CBFB: variants seen among roughly 807,000 people sequenced by gnomAD.
CBFB encodes CBF-beta.
In CBFB, 9 loss-of-function variants were observed where a neutral mutation model predicts 30.4. That is an observed-to-expected ratio of 0.30 (90% CI 0.18 to 0.52). The LOEUF is 0.52. CBFB is among the 20% of genes least tolerant of loss of function. The pLI, the probability that CBFB is intolerant of heterozygous loss-of-function variation, is 0.97. For synonymous variants in CBFB, 94 were observed against 84.0 expected, an observed-to-expected ratio of 1.12 and a Z score of -0.65; for missense variants, 170 against 244.0, an observed-to-expected ratio of 0.70 and a Z score of 2.02.
At chr16:67,094,117 CT>C (rs757109594) in intron 5 of CBFB, among the ~76,000 whole-genome samples, 19,690 of 130,542 alleles carry the variant, frequency 0.15, 3,760 homozygotes, top group African/African-American at 0.47. Context: ...CTTCCTCCCT[CT>C]TTTTTTTTTT....
chr16:67,098,111 G>GT (rs200015538), intron 5 of CBFB, among the ~76,000 whole-genome samples: 7 of 146,028 alleles, frequency 4.8e-5, no homozygotes, highest in Non-Finnish European at 8.9e-5. Context: ...TTGTTGTGGG[G>GT]TTTTTTGTTT....
Position 67,033,413 on chromosome 16 carries a change from C to T in CBFB, c.166-3226C>T, listed in dbSNP as rs76156341. On this transcript the variant is annotated intron_variant, in intron 2 of 5. Transcript: ENST00000412916. Reference sequence around the variant, plus strand: ...GGAGTGCAGTGGTGCCATCTCCGTTCACTGCAACCTCCACCTCCTGCTTCA... The same window carrying T: ...GGAGTGCAGTGGTGCCATCTCCGTTTACTGCAACCTCCACCTCCTGCTTCA... 5.0e-3 allele frequency among the ~76,000 whole-genome samples: 760 copies of T among 152,206 alleles called. 1 individual carries two copies. Among genetic ancestry groups the T allele is most frequent in the Non-Finnish European group, 7.3e-3 (497 of 67,990 alleles).
intron 2 of CBFB, among the ~76,000 whole-genome samples, chr16:67,035,396 T>A (rs910700885): frequency 2.6e-5 from 4 of 152,186 alleles, no homozygotes; most frequent in African/African-American, 9.7e-5. Context: ...AAAGATTTTT[T>A]AAAATGATGT....
chr16:67,055,439 C>T (rs868437561), intron 3 of CBFB, among the ~76,000 whole-genome samples: 5 of 137,858 alleles, frequency 3.6e-5, no homozygotes, highest in Admixed American at 1.6e-4. Context: ...CATCTCGGCT[C>T]ACTGCAAGCT....
intron 4 of CBFB, among the ~76,000 whole-genome samples, chr16:67,067,452 A>T (rs1425649765): frequency 6.6e-6 from 1 of 152,214 alleles, no homozygotes; most frequent in African/African-American, 2.4e-5. Flanking sequence ...CAGGAGGCAG[A>T]GATTGCGGTG....
Position 67,086,055 on chromosome 16 carries a change from A to C in CBFB, c.495+3747A>C, listed in dbSNP as rs190858632. On this transcript the variant is annotated intron_variant, in intron 5 of 5. Coordinates refer to ENST00000412916, the MANE Select transcript of CBFB (RefSeq NM_022845.3). ...TAATCTAATGGGCTGATAGCAGCTG[A>C]GGATGTCCCCAAGAATACTTGTTAG... is the stretch of plus-strand genomic sequence containing the variant. 3.1e-3 allele frequency among the ~76,000 whole-genome samples: 471 copies of C among 152,294 alleles called. 1 individual carries two copies. Among genetic ancestry groups the C allele is most frequent in the African/African-American group, 0.011 (451 of 41,548 alleles).
intron 3 of CBFB, among the ~76,000 whole-genome samples, chr16:67,056,027 T>C (rs949725576): frequency 2.6e-5 from 4 of 152,240 alleles, no homozygotes; most frequent in Non-Finnish European, 4.4e-5. Flanking sequence ...GGATGATTCA[T>C]TGGTCTGTGG....
chr16:67,035,437 G>T (rs1219232172), intron 2 of CBFB, among the ~76,000 whole-genome samples: 1 of 152,106 alleles, frequency 6.6e-6, no homozygotes, highest in African/African-American at 2.4e-5. Flanking sequence ...AGTTTCTATG[G>T]ATATAAAACA....
In CBFB at chr16:67,084,165, CAA is replaced by C. The variant is rs368748767; in HGVS notation, c.495+1880_495+1881del. On this transcript the variant is annotated intron_variant, in intron 5 of 5. Transcript: ENST00000412916. ...TGGATGACAGAGCAGGACCCTACCT[CAA>C]AAAAAAAAAAAAAAAAAAAAAAGTA... 4.3e-3 allele frequency among the ~76,000 whole-genome samples: 235 copies of C among 54,320 alleles called. 1 individual carries two copies. Among genetic ancestry groups the C allele is most frequent in the African/African-American group, 0.017 (227 of 13,472 alleles). The allele number at this position is 54,320 out of a possible 152,430, so 35.6% of individuals were successfully genotyped here.
chr16:67,041,160 C>T (rs893488571), intron 3 of CBFB, among the ~76,000 whole-genome samples: 6 of 152,184 alleles, frequency 3.9e-5, no homozygotes, highest in African/African-American at 1.4e-4. Context: ...CAGGGTGACT[C>T]AAACTCCTGG....
rs369475383 is a variant in CBFB, at chr16:67,075,197, A to ATACGTG, written c.400-7015_400-7014insACGTGT. On this transcript the variant is annotated intron_variant, in intron 4 of 5. Coordinates refer to ENST00000412916, the MANE Select transcript of CBFB (RefSeq NM_022845.3). ...AGAGCGAGATTCTATCTCAAAAAAA[A>ATACGTG]TGTGTGTGTGTGTGTGTGTGTGTGT... is the stretch of plus-strand genomic sequence containing the variant. Among the ~76,000 whole-genome samples, 974 of 142,750 alleles carry ATACGTG rather than the reference A, an allele frequency of 6.8e-3. 12 individuals carry two copies. Among genetic ancestry groups the ATACGTG allele is most frequent in the South Asian group, 0.021 (92 of 4,426 alleles). The allele number at this position is 142,750 out of a possible 152,430, so 93.6% of individuals were successfully genotyped here.
At chr16:67,060,292 A>G (rs1960870529) in intron 3 of CBFB, among the ~76,000 whole-genome samples, 1 of 152,164 alleles carries the variant, frequency 6.6e-6, no homozygotes, top group Non-Finnish European at 1.5e-5. Context: ...ATGACAGCTC[A>G]TTGAGATACA....
At chr16:67,033,992 C>T (rs1415852074) in intron 2 of CBFB, among the ~76,000 whole-genome samples, 1 of 151,954 alleles carries the variant, frequency 6.6e-6, no homozygotes, top group African/African-American at 2.4e-5. Flanking sequence ...CCACACCCGG[C>T]TAATTTTTTG....
intron 3 of CBFB, among the ~76,000 whole-genome samples, chr16:67,045,507 ACT>A (rs897424383): frequency 2.0e-5 from 3 of 151,358 alleles, no homozygotes; most frequent in South Asian, 2.1e-4. Context: ...ACAGAGCAAG[ACT>A]CTGTCTGAAA....
intron 3 of CBFB, among the ~76,000 whole-genome samples, chr16:67,037,666 ATTT>A (rs35804914): frequency 1.5e-5 from 2 of 129,274 alleles, no homozygotes; most frequent in African/African-American, 3.1e-5. Flanking sequence ...GATTTTGGTA[ATTT>A]TTTTTTTTTT....
intron 3 of CBFB, among the ~76,000 whole-genome samples, chr16:67,060,407 C>T (rs888298928): frequency 1.6e-4 from 25 of 152,108 alleles, no homozygotes; most frequent in Admixed American, 3.3e-4. Context: ...AAAACATTTT[C>T]GTCACACCAT....
intron 3 of CBFB, among the ~76,000 whole-genome samples, chr16:67,065,332 A>C (rs1011339282): frequency 1.3e-5 from 2 of 152,234 alleles, no homozygotes; most frequent in African/African-American, 4.8e-5. Flanking sequence ...TAGTGAACAT[A>C]TTTAATTTGT....
intron 3 of CBFB, among the ~76,000 whole-genome samples, chr16:67,042,595 G>A (rs751737442): frequency 1.3e-5 from 2 of 151,612 alleles, no homozygotes; most frequent in African/African-American, 4.8e-5. Context: ...CTCTCATGAG[G>A]TTGCAGTCAA....
chr16:67,043,243 C>G (rs1001303769), intron 3 of CBFB, among the ~76,000 whole-genome samples: 1 of 152,152 alleles, frequency 6.6e-6, no homozygotes, highest in Non-Finnish European at 1.5e-5. Context: ...CAATAATACT[C>G]ACTTAAATTT....
Sources: gnomAD v4.1 joint callset for allele counts (sites outside exome capture counted in the v4.1 genomes callset) on GRCh38, gnomAD v4.1.1 for gene constraint, MANE v1.5 for transcripts, NCBI Gene and HGNC (gene_info 2026-07-23, HGNC 2026-07-21) for gene names.